Variants in RTN4IP1 observed in about 807,000 individuals in gnomAD.
The protein encoded by RTN4IP1 is reticulon 4 interacting protein 1, also known as NAD(P)H oxidoreductase RTN4IP1, mitochondrial.
Under a neutral mutation model 46.6 loss-of-function variants are expected in RTN4IP1, and 32 were observed. That is an observed-to-expected ratio of 0.69 (90% CI 0.52 to 0.92). The LOEUF is 0.92. Among genes scored for constraint, RTN4IP1 ranks in the 40% least tolerant of loss-of-function variants. The probability of loss-of-function intolerance (pLI) is 0.00; values close to 1 mark genes in which losing one functional copy is unlikely to be tolerated. For missense variants in RTN4IP1, 424 were observed against 485.8 expected (o/e 0.87, Z 1.20); for synonymous variants, 167 against 161.8 (o/e 1.03, Z -0.24).
rs375370579 is a variant in RTN4IP1 at position 106,599,222 on chromosome 6, A to G, written c.669+3652T>C. Among the ~76,000 whole-genome samples the G allele has an allele frequency of 6.5e-4, 99 of 151,938 alleles. 1 individual carries two copies. The highest frequency in any genetic ancestry group is 2.2e-3 in the African/African-American group (93 of 41,474). ...TGGGATTTAACCTTGATGCTTTTCT[A>G]TTACTTTTTAATTTTATTAAAATTT... On this transcript the variant is annotated intron_variant, in intron 5 of 8. Transcript: ENST00000369063.
chr6:106,614,460 T>A (rs1426710824), intron 4 of RTN4IP1, among the ~76,000 whole-genome samples: 2 of 152,030 alleles, frequency 1.3e-5, no homozygotes, highest in South Asian at 2.1e-4. Flanking sequence ...GAAATACAGA[T>A]CTGTAAGTTA....
chr6:106,572,249 A>C, intron 8 of RTN4IP1, 146 bp from the exon 9 acceptor site: 1 of 649,672 alleles, frequency 1.5e-6, no homozygotes, highest in Non-Finnish European at 2.7e-6. Context: ...AGGCTCTCAC[A>C]AGGGCCATGA....
chr6:106,598,470 G>GT (rs1392149944), intron 5 of RTN4IP1, among the ~76,000 whole-genome samples: 2 of 150,388 alleles, frequency 1.3e-5, no homozygotes, highest in Admixed American at 6.6e-5. Flanking sequence ...TTTTTCATGT[G>GT]TTTTTTGGCT....
chr6:106,604,919 T>C (rs1776026396), intron 4 of RTN4IP1, among the ~76,000 whole-genome samples: 1 of 151,930 alleles, frequency 6.6e-6, no homozygotes, highest in East Asian at 1.9e-4. Flanking sequence ...ACCCCTCCAG[T>C]AGTAGAGCTG....
chr6:106,614,478 A>AT (rs1776300744), intron 4 of RTN4IP1, among the ~76,000 whole-genome samples: 1 of 152,218 alleles, frequency 6.6e-6, no homozygotes, highest in Non-Finnish European at 1.5e-5. Context: ...TTACCAAACT[A>AT]TAAGTAGAAG....
chr6:106,609,098 C>T (rs751281234), intron 4 of RTN4IP1, among the ~76,000 whole-genome samples: 1 of 152,208 alleles, frequency 6.6e-6, no homozygotes, highest in Non-Finnish European at 1.5e-5. Flanking sequence ...CCCAGTTTTC[C>T]TCTACAATAC....
rs1209617886 is a variant in RTN4IP1 at position 106,589,171 on chromosome 6, TGGA to T, written c.807-1312_807-1310del. Among the ~76,000 whole-genome samples, 80 of 12,382 alleles carry T rather than the reference TGGA, an allele frequency of 6.5e-3. 3 individuals carry two copies. Among genetic ancestry groups the T allele is most frequent in the East Asian group, 0.018 (7 of 380 alleles). The allele number at this position is 12,382 out of a possible 152,430, so 8.1% of individuals were successfully genotyped here. ...AGGAAGAGGAAGGAGGAGGAGGCGGTGGAGGAGGAGGAGGAGGGAGGAGGAGGA... is the reference window on the plus strand; with the variant it reads ...AGGAAGAGGAAGGAGGAGGAGGCGGTGGAGGAGGAGGAGGGAGGAGGAGGA... On this transcript the variant is annotated intron_variant, in intron 6 of 8. Coordinates refer to ENST00000369063, the MANE Select transcript of RTN4IP1 (RefSeq NM_032730.5).
At chr6:106,592,493 TCA>T (rs2114642259) in intron 5 of RTN4IP1, among the ~76,000 whole-genome samples, 193 bp from the exon 6 acceptor site, 1 of 152,280 alleles carries the variant, frequency 6.6e-6, no homozygotes, top group South Asian at 2.1e-4. Flanking sequence ...AAACTTTTGT[TCA>T]GTAAGAAAAT....
intron 4 of RTN4IP1, among the ~76,000 whole-genome samples, chr6:106,610,812 G>A (rs865959131): frequency 6.6e-6 from 1 of 152,112 alleles, no homozygotes; most frequent in East Asian, 1.9e-4. Context: ...GAGAAAATAT[G>A]AATCAGTATT....
intron 5 of RTN4IP1, among the ~76,000 whole-genome samples, chr6:106,602,607 C>A (rs189202379): frequency 3.3e-4 from 51 of 152,268 alleles, no homozygotes; most frequent in Non-Finnish European, 2.6e-4. Context: ...AAGCTTAATG[C>A]TTCCTTCTAC....
intron 7 of RTN4IP1, 176 bp from the exon 8 acceptor site, chr6:106,583,596 A>G: frequency 1.8e-6 from 1 of 549,234 alleles, no homozygotes; most frequent in Non-Finnish European, 3.3e-6. Flanking sequence ...GATGCTCCAT[A>G]AATGTTTAAT....
At position 106,604,042 on chromosome 6, in the gene RTN4IP1, T is replaced by C. The variant is rs187587817; in HGVS notation, c.621-1120A>G. On this transcript the variant is annotated intron_variant, in intron 4 of 8. Transcript: ENST00000369063. ...CTGTCCTATTTAACATCACCGTAAA[T>C]TGAGTAACTGCTAGTGTGGGTCCCT... Among the ~76,000 whole-genome samples the C allele has an allele frequency of 2.3e-3, 347 of 152,286 alleles. 1 individual carries two copies. Among genetic ancestry groups the C allele is most frequent in the Non-Finnish European group, 2.3e-3 (155 of 68,024 alleles).
At chr6:106,630,170 C>CA (rs1776789934), upstream of RTN4IP1, among the ~76,000 whole-genome samples, 1 of 152,164 alleles carries the variant, frequency 6.6e-6, no homozygotes, top group Non-Finnish European at 1.5e-5. Flanking sequence ...ACTAAGATAC[C>CA]AGTGATTTCC....
At chr6:106,579,080 C>CA (rs1472950753) in intron 8 of RTN4IP1, among the ~76,000 whole-genome samples, 1 of 150,870 alleles carries the variant, frequency 6.6e-6, no homozygotes, top group Non-Finnish European at 1.5e-5. Flanking sequence ...ACTAAAAATG[C>CA]AAAAAATTAG....
rs144356263 is a variant in RTN4IP1 at position 106,619,272 on chromosome 6, C to T, written c.550G>A (p.Val184Met). 6.2e-7 allele frequency: 1 copy of T among 1,614,160 alleles called. No individual in the cohort carries two copies. Among genetic ancestry groups the T allele is most frequent in the Non-Finnish European group, 8.5e-7 (1 of 1,180,000 alleles). ...THTQAASLPY[V>M]ALTAWSAINK... ...ATAGCAGACCAGGCTGTGAGAGCCA[C>T]ATATGGCAAAGAGGCAGCTTGAGTA... The change falls in exon 4 of 9, where the codon GTG becomes ATG. Residue 184 changes from valine (V) to methionine (M), a missense_variant. Physicochemically the swap from Val to Met is conservative, Grantham distance 21 (BLOSUM62 1). Transcript: ENST00000369063.
chr6:106,590,955 T>G (rs1206120962), intron 6 of RTN4IP1, among the ~76,000 whole-genome samples: 1 of 151,988 alleles, frequency 6.6e-6, no homozygotes. Context: ...GAACAATTGT[T>G]CTCCTAGATT....
chr6:106,571,696 C>CA lies in RTN4IP1; in HGVS notation c.*299dup. ...ACACAGCGAGACCCTGTCTCTAAAA[C>CA]AAAAAAGACAATAAAGTAGTTTAAG... On this transcript the variant is annotated 3_prime_UTR_variant, in exon 9 of 9. Transcript: ENST00000369063. 3.5e-6 allele frequency: 1 copy of CA among 286,928 alleles called. No individual in the cohort carries two copies. Among genetic ancestry groups the CA allele is most frequent in the Non-Finnish European group, 6.7e-6 (1 of 149,158 alleles). The allele number at this position is 286,928 out of a possible 1,614,324, so 17.8% of individuals were successfully genotyped here.
chr6:106,592,651 C>G (rs887314166), intron 5 of RTN4IP1, among the ~76,000 whole-genome samples: 9 of 152,130 alleles, frequency 5.9e-5, no homozygotes, highest in African/African-American at 2.2e-4. Context: ...TTGCCAAGTG[C>G]GGTGGCTCAC....
chr6:106,606,952 G>A (rs908645834), intron 4 of RTN4IP1, among the ~76,000 whole-genome samples: 2 of 151,916 alleles, frequency 1.3e-5, no homozygotes, highest in Admixed American at 6.6e-5. Context: ...AAAACAATAT[G>A]CACAAAAATA....
Sources: allele counts gnomAD v4.1 joint callset (sites outside exome capture counted in the v4.1 genomes callset), GRCh38; gene constraint gnomAD v4.1.1; transcripts MANE v1.5; gene names NCBI Gene and HGNC (gene_info 2026-07-23, HGNC 2026-07-21).